Variants in YES1 observed in about 807,000 individuals in gnomAD.
The protein encoded by YES1 is tyrosine-protein kinase Yes.
A neutral mutation model predicts 70.4 loss-of-function variants in YES1; 39 were observed. The observed-to-expected ratio is 0.55, with a 90% confidence interval of 0.43 to 0.72. The LOEUF (loss-of-function observed/expected upper bound fraction) is 0.72. Among genes scored for constraint, YES1 ranks in the 30% least tolerant of loss-of-function variants. The probability of loss-of-function intolerance (pLI) is 0.00; values close to 1 mark genes in which losing one functional copy is unlikely to be tolerated. For synonymous variants in YES1, 198 were observed against 218.6 expected (o/e 0.91, Z 0.83); for missense variants, 495 against 644.8 (o/e 0.77, Z 2.52).
intron 1 of YES1, among the ~76,000 whole-genome samples, chr18:757,543 A>G (rs1370504014): frequency 7.0e-6 from 1 of 142,084 alleles, no homozygotes; most frequent in Non-Finnish European, 1.5e-5. Context: ...CTGGGGGGCC[A>G]GGCGCAGTGG....
At chr18:789,124 T>C (rs1185383409) in intron 1 of YES1, among the ~76,000 whole-genome samples, 2 of 152,212 alleles carry the variant, frequency 1.3e-5, no homozygotes, top group Non-Finnish European at 1.5e-5. Flanking sequence ...TTCCACACTG[T>C]TGTTTGGCAT....
intron 1 of YES1, among the ~76,000 whole-genome samples, chr18:757,292 A>G (rs906266488): frequency 2.6e-5 from 4 of 151,598 alleles, no homozygotes; most frequent in African/African-American, 9.7e-5. Context: ...TCACGAGGTC[A>G]GGAGATTGAG....
At chr18:803,556 G>A (rs1906932720) in intron 1 of YES1, among the ~76,000 whole-genome samples, 1 of 152,190 alleles carries the variant, frequency 6.6e-6, no homozygotes, top group South Asian at 2.1e-4. Flanking sequence ...TAGGGTTAGA[G>A]TATGAGGCAG....
intron 1 of YES1, among the ~76,000 whole-genome samples, chr18:777,044 T>C (rs1054964738): frequency 6.6e-6 from 1 of 152,220 alleles, no homozygotes; most frequent in African/African-American, 2.4e-5. Context: ...ATTATTAATT[T>C]TTTTCATTCT....
intron 8 of YES1, 79 bp downstream of exon 8, chr18:742,839 G>A: frequency 8.4e-7 from 1 of 1,184,442 alleles, no homozygotes; most frequent in Non-Finnish European, 1.1e-6. Flanking sequence ...TTAGAAAACA[G>A]TATAAGTCTA....
intron 1 of YES1, among the ~76,000 whole-genome samples, chr18:801,308 G>A (rs149520636): frequency 8.4e-4 from 128 of 152,180 alleles, no homozygotes; most frequent in African/African-American, 2.9e-3. Flanking sequence ...AGTCCACCCT[G>A]GGAGACAGAG....
intron 1 of YES1, among the ~76,000 whole-genome samples, chr18:810,877 C>T (rs1907339789): frequency 6.6e-6 from 1 of 152,014 alleles, no homozygotes; most frequent in Non-Finnish European, 1.5e-5. Context: ...ATACAAGATC[C>T]TTGGCTAATA....
chr18:782,158 C>T (rs1477120416), intron 1 of YES1, among the ~76,000 whole-genome samples: 1 of 152,190 alleles, frequency 6.6e-6, no homozygotes, highest in East Asian at 1.9e-4. Flanking sequence ...TTATCTTAGT[C>T]TCTCTTCATC....
intron 1 of YES1, among the ~76,000 whole-genome samples, chr18:761,908 T>C (rs1290903359): frequency 6.6e-6 from 1 of 152,252 alleles, no homozygotes; most frequent in Non-Finnish European, 1.5e-5. Context: ...ACATCATGGC[T>C]GGGCATCGTG....
Position 745,707 on chromosome 18 carries a change from C to G in YES1, c.724+1G>C. Reference sequence around the variant, plus strand: ...TTTTTACCTTTGAAATATTCACATACCTGTGTAGTGTTTCACCAATTTCTG... The same window carrying G: ...TTTTTACCTTTGAAATATTCACATAGCTGTGTAGTGTTTCACCAATTTCTG... On this transcript the variant is annotated splice_donor_variant, in intron 6 of 11. Transcript: ENST00000314574. LOFTEE classifies it high-confidence loss of function. The G allele has an allele frequency of 1.2e-6, 2 of 1,605,842 alleles. No homozygotes were observed. The highest frequency in any genetic ancestry group is 1.7e-6 in the Non-Finnish European group (2 of 1,177,862).
intron 1 of YES1, among the ~76,000 whole-genome samples, chr18:770,252 C>T (rs958968127): frequency 6.8e-5 from 10 of 147,452 alleles, no homozygotes; most frequent in Non-Finnish European, 1.3e-4. Context: ...TGAGCCACTG[C>T]GCCCGGCCCT....
At chr18:743,928 T>C (rs1413454586) in intron 6 of YES1, among the ~76,000 whole-genome samples, 2 of 149,240 alleles carry the variant, frequency 1.3e-5, no homozygotes, top group East Asian at 3.9e-4. Context: ...AATATATATA[T>C]ATATACATGT....
chr18:768,079 T>C (rs1246463108), intron 1 of YES1, among the ~76,000 whole-genome samples: 3 of 152,230 alleles, frequency 2.0e-5, no homozygotes, highest in Admixed American at 6.5e-5. Flanking sequence ...TTTTAAGCTT[T>C]GTGGACCATA....
chr18:776,801 A>T (rs1905408436), intron 1 of YES1, among the ~76,000 whole-genome samples: 1 of 152,174 alleles, frequency 6.6e-6, no homozygotes, highest in African/African-American at 2.4e-5. Context: ...ACTGCCTAAC[A>T]ATCTTTATAA....
intron 1 of YES1, among the ~76,000 whole-genome samples, chr18:802,148 G>C (rs1489563494): frequency 6.6e-6 from 1 of 152,200 alleles, no homozygotes; most frequent in Non-Finnish European, 1.5e-5. Flanking sequence ...TGTAGTCTTA[G>C]CTGCTCAGGA....
At chr18:745,054 T>TA (rs2145712390) in intron 6 of YES1, among the ~76,000 whole-genome samples, 1 of 152,246 alleles carries the variant, frequency 6.6e-6, no homozygotes, top group East Asian at 1.9e-4. Context: ...GCTGACTTGA[T>TA]AGACTCAGTT....
In YES1 at chr18:735,161, C is replaced by CAAAAAAAGAAAAAA. The variant is rs759084064; in HGVS notation, c.1291+1646_1291+1647insTTTTTTCTTTTTTT. 1.5e-3 allele frequency among the ~76,000 whole-genome samples: 165 copies of CAAAAAAAGAAAAAA among 110,686 alleles called. 2 individuals carry two copies. The highest frequency in any genetic ancestry group is 5.3e-3 in the African/African-American group (156 of 29,480). 72.6% of individuals were successfully genotyped at this position (110,686 alleles called of 152,430 possible). A position where few individuals can be genotyped will look rare whatever the true frequency, so the allele number is the denominator to read the frequency against. On this transcript the variant is annotated intron_variant, in intron 10 of 11. Transcript: ENST00000314574. ...AACAGATTGAGACTGTGTCTCAAAG[C>CAAAAAAAGAAAAAA]AAAAAAAAAAAAATCATTATATGAA...
At chr18:797,340 TGG>T (rs996867184) in intron 1 of YES1, among the ~76,000 whole-genome samples, 1 of 151,936 alleles carries the variant, frequency 6.6e-6, no homozygotes, top group African/African-American at 2.4e-5. Context: ...CTAAAAAAAC[TGG>T]GAAAATATAG....
chr18:796,768 A>C (rs1406887878), intron 1 of YES1, among the ~76,000 whole-genome samples: 2 of 152,144 alleles, frequency 1.3e-5, no homozygotes, highest in African/African-American at 2.4e-5. Flanking sequence ...AAAATAAATA[A>C]ATAAAATAAA....
Sources: gnomAD v4.1 joint callset for allele counts (sites outside exome capture counted in the v4.1 genomes callset) on GRCh38, gnomAD v4.1.1 for gene constraint, MANE v1.5 for transcripts, NCBI Gene and HGNC (gene_info 2026-07-23, HGNC 2026-07-21) for gene names.